Variants in STAU2 observed in about 807,000 individuals in gnomAD.
STAU2 encodes double-stranded RNA-binding protein Staufen homolog 2.
In STAU2, 20 loss-of-function variants were observed where a neutral mutation model predicts 65.9. The ratio of observed to expected loss-of-function variants is 0.30; its 90% confidence interval spans 0.21 to 0.44. STAU2 has a LOEUF of 0.44. Ranked by LOEUF, STAU2 falls within the 20% of genes least tolerant of loss-of-function variation. The probability of loss-of-function intolerance (pLI) is 1.00; values close to 1 mark genes in which losing one functional copy is unlikely to be tolerated. For missense variants in STAU2, 558 were observed against 683.9 expected (o/e 0.82, Z 2.05); for synonymous variants, 232 against 233.9 (o/e 0.99, Z 0.07).
At chr8:73,572,765 T>C (rs1052542034) in intron 12 of STAU2, among the ~76,000 whole-genome samples, 8 of 152,146 alleles carry the variant, frequency 5.3e-5, no homozygotes, top group African/African-American at 2.4e-5. Context: ...ATAAGAGCTA[T>C]TTATGACAAA....
At chr8:73,653,212 C>T (rs1816040033) in intron 6 of STAU2, 1 of 152,132 alleles carries the variant, frequency 6.6e-6, no homozygotes, top group South Asian at 2.1e-4. Context: ...CTAGGATTAT[C>T]TGGTATAAGG....
chr8:73,739,730 G>C (rs1806706349), intron 2 of STAU2, 26 bp downstream of exon 2: 1 of 1,479,876 alleles, frequency 6.8e-7, no homozygotes, highest in Non-Finnish European at 8.9e-7. Flanking sequence ...GTGAATTTGA[G>C]TTTTAGTCAA....
At chr8:73,436,627 C>T (rs1011086740) in intron 13 of STAU2, among the ~76,000 whole-genome samples, 7 of 149,270 alleles carry the variant, frequency 4.7e-5, no homozygotes, top group African/African-American at 1.2e-4. Flanking sequence ...TACTCTGTCA[C>T]CCAGGCTGGA....
At chr8:73,603,963 A>C in intron 9 of STAU2, 100 bp from the exon 10 acceptor site, 2 of 1,238,732 alleles carry the variant, frequency 1.6e-6, no homozygotes, top group Non-Finnish European at 2.2e-6. Context: ...CCACACCCCA[A>C]AACTGTGACT....
At chr8:73,578,234 T>G (rs1288659761) in intron 12 of STAU2, among the ~76,000 whole-genome samples, 1 of 152,196 alleles carries the variant, frequency 6.6e-6, no homozygotes, top group Non-Finnish European at 1.5e-5. Context: ...CGGAGAATAT[T>G]GCAGAAAAAC....
upstream of STAU2, chr8:73,747,399 C>T (rs573623384): frequency 4.2e-5 from 65 of 1,535,452 alleles, no homozygotes; most frequent in African/African-American, 7.5e-4. Flanking sequence ...TTCCCAGGCT[C>T]TCCGGCTGCC....
chr8:73,566,907 A>G (rs1808653519), intron 12 of STAU2, among the ~76,000 whole-genome samples: 1 of 152,244 alleles, frequency 6.6e-6, no homozygotes, highest in South Asian at 2.1e-4. Context: ...GAACATCTTG[A>G]GGTCTGAATT....
At chr8:73,603,993 T>C in intron 9 of STAU2, 130 bp from the exon 10 acceptor site, 2 of 984,162 alleles carry the variant, frequency 2.0e-6, no homozygotes, top group Non-Finnish European at 2.8e-6. Flanking sequence ...AAATGAGTCA[T>C]TTATGAATAT....
At chr8:73,452,080 G>A (rs1054924427) in intron 13 of STAU2, among the ~76,000 whole-genome samples, 1 of 152,206 alleles carries the variant, frequency 6.6e-6, no homozygotes, top group Admixed American at 6.5e-5. Context: ...GGGCAGACAC[G>A]GTCTCTCAGA....
chr8:73,489,609 G>C (rs1821067490), intron 13 of STAU2, among the ~76,000 whole-genome samples: 1 of 152,038 alleles, frequency 6.6e-6, no homozygotes, highest in African/African-American at 2.4e-5. Context: ...AATGCAGTTA[G>C]GGTTTTAAAG....
At chr8:73,573,566 T>A (rs1410071454) in intron 12 of STAU2, among the ~76,000 whole-genome samples, 2 of 152,138 alleles carry the variant, frequency 1.3e-5, no homozygotes, top group East Asian at 3.9e-4. Context: ...TATAGACCAA[T>A]GGAACAGAAC....
chr8:73,713,101 T>C (rs1821008847), intron 3 of STAU2, among the ~76,000 whole-genome samples: 1 of 152,248 alleles, frequency 6.6e-6, no homozygotes, highest in Admixed American at 6.5e-5. Flanking sequence ...GGAAATATTC[T>C]ACCTTCACTG....
chr8:73,539,051 GGCT>G (rs1806357810), intron 13 of STAU2, among the ~76,000 whole-genome samples: 1 of 152,158 alleles, frequency 6.6e-6, no homozygotes, highest in African/African-American at 2.4e-5. Context: ...AGTCAGGAGA[GGCT>G]ACTGCCCCAG....
At chr8:73,719,005 A>G (rs1290124310) in intron 3 of STAU2, among the ~76,000 whole-genome samples, 1 of 152,208 alleles carries the variant, frequency 6.6e-6, no homozygotes. Context: ...CAATCTGAAC[A>G]CCATGCATTT....
chr8:73,574,611 C>T (rs1021108642), intron 12 of STAU2, among the ~76,000 whole-genome samples: 9 of 152,290 alleles, frequency 5.9e-5, no homozygotes, highest in African/African-American at 2.2e-4. Flanking sequence ...TTTGTAGGGA[C>T]ATGGATAAAG....
intron 1 of STAU2, among the ~76,000 whole-genome samples, chr8:73,743,842 G>A (rs937459815): frequency 6.7e-6 from 1 of 149,036 alleles, no homozygotes; most frequent in African/African-American, 2.5e-5. Flanking sequence ...CGCCATCTCA[G>A]CTCACTGCAA....
chr8:73,476,213 T>C (rs1161831945), intron 13 of STAU2, among the ~76,000 whole-genome samples: 1 of 152,198 alleles, frequency 6.6e-6, no homozygotes, highest in Middle Eastern at 3.2e-3. Flanking sequence ...ACAGAATTTA[T>C]CAGGCCCTTC....
chr8:73,569,590 G>A (rs1808884272), intron 12 of STAU2, among the ~76,000 whole-genome samples: 1 of 151,188 alleles, frequency 6.6e-6, no homozygotes, highest in Admixed American at 6.6e-5. Context: ...CATACAGCTG[G>A]GTGCCCCTCT....
intron 13 of STAU2, among the ~76,000 whole-genome samples, chr8:73,478,202 CA>C (rs1482238574): frequency 6.8e-6 from 1 of 147,816 alleles, no homozygotes; most frequent in Non-Finnish European, 1.5e-5. Flanking sequence ...TGAGCATGTA[CA>C]GGGGTGTCCA....
Sources: allele counts gnomAD v4.1 joint callset (sites outside exome capture counted in the v4.1 genomes callset), GRCh38; gene constraint gnomAD v4.1.1; transcripts MANE v1.5; gene names NCBI Gene and HGNC (gene_info 2026-07-23, HGNC 2026-07-21).